The following SMYD3 variants were observed in gnomAD, a reference collection of about 807,000 sequenced individuals.
SMYD3 encodes histone-lysine N-methyltransferase SMYD3.
SMYD3 carries 36 observed loss-of-function variants against 57.7 expected under a neutral mutation model. The observed-to-expected ratio is 0.62, with a 90% CI of 0.48 to 0.82. SMYD3 has a LOEUF of 0.82. Among genes scored for constraint, SMYD3 ranks in the 40% least tolerant of loss-of-function variants. The pLI is 0.00. For missense variants in SMYD3, 515 were observed against 538.8 expected (o/e 0.96, Z 0.44); for synonymous variants, 211 against 195.0 (o/e 1.08, Z -0.68).
intron 5 of SMYD3, among the ~76,000 whole-genome samples, chr1:246,107,192 CAGG>C (rs1337883211): frequency 6.7e-6 from 1 of 150,266 alleles, no homozygotes; most frequent in East Asian, 2.0e-4. Flanking sequence ...GAGGTTGAGG[CAGG>C]AGAATGGTGT....
At chr1:246,059,708 G>A (rs981681040) in intron 5 of SMYD3, among the ~76,000 whole-genome samples, 1 of 152,154 alleles carries the variant, frequency 6.6e-6, no homozygotes, top group Non-Finnish European at 1.5e-5. Context: ...AGTAAGATAC[G>A]ATTATTTTGT....
intron 5 of SMYD3, among the ~76,000 whole-genome samples, chr1:246,308,178 A>G (rs1418320434): frequency 1.3e-5 from 2 of 152,208 alleles, no homozygotes; most frequent in Admixed American, 6.5e-5. Flanking sequence ...AATCTTCAAT[A>G]TAACTATATT....
intron 5 of SMYD3, among the ~76,000 whole-genome samples, chr1:246,240,312 T>C (rs1253095681): frequency 6.6e-6 from 1 of 152,254 alleles, no homozygotes; most frequent in East Asian, 1.9e-4. Flanking sequence ...TACATGTGGC[T>C]AGTCACTTTT....
In SMYD3 at chr1:245,770,631, A is replaced by C. The variant is rs147748944; in HGVS notation, c.1077-6482T>G. ...TGGTAAAATTATAACCCGGCATACA[A>C]AAAGACAAGAACTCTCTGAAAACCA... On this transcript the variant is annotated intron_variant, in intron 10 of 11. Transcript: ENST00000490107. 5.7e-3 allele frequency among the ~76,000 whole-genome samples: 868 copies of C among 152,304 alleles called. 6 individuals carry two copies. The highest frequency in any genetic ancestry group is 0.019 in the African/African-American group (775 of 41,560).
At chr1:246,451,715 G>A (rs1356394724) in intron 1 of SMYD3, among the ~76,000 whole-genome samples, 2 of 152,218 alleles carry the variant, frequency 1.3e-5, no homozygotes, top group East Asian at 1.9e-4. Context: ...TGTAGGGGAG[G>A]CTGTGCATGT....
intron 10 of SMYD3, among the ~76,000 whole-genome samples, chr1:245,778,467 C>T (rs563922010): frequency 6.6e-6 from 1 of 152,272 alleles, no homozygotes; most frequent in Admixed American, 6.5e-5. Context: ...TGTTATCTAC[C>T]TTTTCTATTA....
intron 1 of SMYD3, among the ~76,000 whole-genome samples, chr1:246,404,383 T>C (rs1403339591): frequency 6.6e-6 from 1 of 152,196 alleles, no homozygotes; most frequent in Non-Finnish European, 1.5e-5. Flanking sequence ...CCCAGGATGC[T>C]GAGACTGATA....
At chr1:245,893,779 G>A (rs74499592) in intron 8 of SMYD3, among the ~76,000 whole-genome samples, 1 of 137,936 alleles carries the variant, frequency 7.2e-6, no homozygotes, top group Non-Finnish European at 1.6e-5. Flanking sequence ...TGGTGGTTGT[G>A]GTCACAGACT....
intron 5 of SMYD3, among the ~76,000 whole-genome samples, chr1:245,982,767 T>C (rs1188498675): frequency 6.6e-6 from 1 of 152,206 alleles, no homozygotes; most frequent in Non-Finnish European, 1.5e-5. Context: ...CAGACAAGAA[T>C]TGACTCACTG....
In SMYD3 at chr1:246,239,900, G is replaced by A. The variant is rs377348123; in HGVS notation, c.531+87301C>T. Among the ~76,000 whole-genome samples, 47 of 152,236 alleles carry A rather than the reference G, an allele frequency of 3.1e-4. No homozygotes were observed. The East Asian group carries it at 4.0e-3, about 13-fold the overall frequency. On this transcript the variant is annotated intron_variant, in intron 5 of 11. Transcript: ENST00000490107. ...GCATAAATGTCTTCTTTTGAGAAGC[G>A]TCTGTTCATATCCTTTGCCAACTTT...
chr1:246,328,285 G>A (rs944101880), intron 4 of SMYD3, among the ~76,000 whole-genome samples: 2 of 152,136 alleles, frequency 1.3e-5, no homozygotes, highest in Admixed American at 6.5e-5. Flanking sequence ...AAGTTCTAAC[G>A]CCAATACTAC....
At chr1:246,180,656 G>C (rs2062531069) in intron 5 of SMYD3, among the ~76,000 whole-genome samples, 1 of 149,802 alleles carries the variant, frequency 6.7e-6, no homozygotes, top group Non-Finnish European at 1.5e-5. Flanking sequence ...CTACTTGAGA[G>C]GCTAACGCAG....
chr1:246,507,168 C>G lies in SMYD3; in HGVS notation c.50G>C (p.Gly17Ala), dbSNP rs2068558053. 6.5e-7 allele frequency: 1 copy of G among 1,531,978 alleles called. No homozygotes were observed. The highest frequency in any genetic ancestry group is 2.0e-5 in the Admixed American group (1 of 48,880). The allele number at this position is 1,531,978 out of a possible 1,614,324, so 94.9% of individuals were successfully genotyped here. ...GCGCAGCGGGGTCACGGCGCGCAGC[C>G]CGTTTCCCCTCTTGGCGGTTGCGAA... ...EKFATAKRGNGLRAVTPLRPG... is the reference protein window; with the variant it reads ...EKFATAKRGNALRAVTPLRPG... Residue 17 changes from glycine (G) to alanine (A), a missense_variant, in exon 1 of 12, where the codon GGG (glycine) becomes GCG (alanine). Gly to Ala is a moderately conservative substitution (Grantham distance 60, BLOSUM62 0). Coordinates refer to ENST00000490107, the MANE Select transcript of SMYD3 (RefSeq NM_001167740.2).
At chr1:246,020,299 G>T (rs1159776625) in intron 5 of SMYD3, among the ~76,000 whole-genome samples, 2 of 152,190 alleles carry the variant, frequency 1.3e-5, no homozygotes, top group Non-Finnish European at 2.9e-5. Flanking sequence ...GTGTTCTCAA[G>T]ACCTGTGATT....
chr1:246,313,039 C>A (rs911186343), intron 5 of SMYD3, among the ~76,000 whole-genome samples: 1 of 152,056 alleles, frequency 6.6e-6, no homozygotes, highest in African/African-American at 2.4e-5. Context: ...CTCAGCCTCC[C>A]AAGTAGCTGG....
intron 5 of SMYD3, among the ~76,000 whole-genome samples, chr1:245,952,003 T>G (rs2057669882): frequency 6.6e-6 from 1 of 152,106 alleles, no homozygotes; most frequent in Non-Finnish European, 1.5e-5. Context: ...TATGTGAGGT[T>G]TCCAACTTTG....
intron 5 of SMYD3, among the ~76,000 whole-genome samples, chr1:245,983,867 A>AAG (rs2058649546): frequency 6.6e-6 from 1 of 152,208 alleles, no homozygotes; most frequent in South Asian, 2.1e-4. Flanking sequence ...GGCCAGGAGG[A>AAG]AGAGTGTAAT....
intron 5 of SMYD3, among the ~76,000 whole-genome samples, chr1:246,253,562 T>C (rs1257998343): frequency 2.0e-5 from 3 of 152,216 alleles, no homozygotes. Context: ...CTATTGTGAA[T>C]AGTGCAGCAA....
chr1:246,109,372 A>G (rs1239005341), intron 5 of SMYD3, among the ~76,000 whole-genome samples: 2 of 152,208 alleles, frequency 1.3e-5, no homozygotes, highest in Admixed American at 6.5e-5. Flanking sequence ...GAGTAGCCCT[A>G]CAGCAGTCAC....
Sources: gnomAD v4.1 joint callset for allele counts (sites outside exome capture counted in the v4.1 genomes callset) on GRCh38, gnomAD v4.1.1 for gene constraint, MANE v1.5 for transcripts, NCBI Gene and HGNC (gene_info 2026-07-23, HGNC 2026-07-21) for gene names.